ZMAT4: variants seen among roughly 807,000 people sequenced by gnomAD.
ZMAT4 encodes the protein zinc finger matrin-type protein 4.
A neutral mutation model predicts 28.7 loss-of-function variants in ZMAT4; 17 were observed. The observed-to-expected ratio is 0.59, with a 90% confidence interval of 0.41 to 0.89. The LOEUF (loss-of-function observed/expected upper bound fraction) is 0.89. Ranked by LOEUF, ZMAT4 falls within the 40% of genes least tolerant of loss-of-function variation. The pLI is 0.00. For missense variants in ZMAT4, 240 were observed against 283.8 expected (o/e 0.85, Z 1.11); for synonymous variants, 117 against 109.2 (o/e 1.07, Z -0.44).
intron 3 of ZMAT4, among the ~76,000 whole-genome samples, chr8:40,741,502 T>G (rs993407793): frequency 1.3e-5 from 2 of 151,612 alleles, no homozygotes; most frequent in Non-Finnish European, 2.9e-5. Context: ...AGTGATTAAA[T>G]CTGTATTAAT....
At chr8:40,590,181 G>T (rs149745487) in intron 5 of ZMAT4, among the ~76,000 whole-genome samples, 1 of 150,920 alleles carries the variant, frequency 6.6e-6, no homozygotes, top group Non-Finnish European at 1.5e-5. Context: ...GCACTACCAT[G>T]CCTTGCTAAT....
chr8:40,601,468 G>GAAAGAAAGAAAGAAAGAAAGAAA (rs1563359930), intron 5 of ZMAT4, among the ~76,000 whole-genome samples: 1 of 19,994 alleles, frequency 5.0e-5, no homozygotes. Flanking sequence ...GAGGAAGAAA[G>GAAAGAAAGAAAGAAAGAAAGAAA]GAAAGAAAGA....
chr8:40,673,187 GC>G (rs2150471468), intron 5 of ZMAT4, among the ~76,000 whole-genome samples: 1 of 152,272 alleles, frequency 6.6e-6, no homozygotes, highest in African/African-American at 2.4e-5. Context: ...CACATGGAAT[GC>G]CTTCTCACCT....
In ZMAT4 at chr8:40,697,236, T is replaced by C; in HGVS notation, c.349+9A>G. ...AGGGTCTCCCCACGATCACTGTTCC[T>C]GCACGTACCTGTGGTCTTTAATGGG... On this transcript the variant is annotated intron_variant, in intron 4 of 6. Coordinates refer to ENST00000297737, the MANE Select transcript of ZMAT4 (RefSeq NM_024645.3). 6.3e-7 allele frequency: 1 copy of C among 1,598,208 alleles called. No homozygotes were observed. Among genetic ancestry groups the C allele is most frequent in the Non-Finnish European group, 8.5e-7 (1 of 1,171,664 alleles).
intron 1 of ZMAT4, among the ~76,000 whole-genome samples, chr8:40,880,761 C>T (rs898680907): frequency 2.0e-5 from 3 of 152,170 alleles, no homozygotes; most frequent in Non-Finnish European, 4.4e-5. Context: ...ATGCTAATTA[C>T]TCAGGGAGTT....
intron 2 of ZMAT4, among the ~76,000 whole-genome samples, chr8:40,769,195 C>T (rs976567005): frequency 6.6e-6 from 1 of 152,110 alleles, no homozygotes. Flanking sequence ...AATATATTGT[C>T]AACACTTATA....
intron 3 of ZMAT4, among the ~76,000 whole-genome samples, chr8:40,765,453 C>T (rs1813115267): frequency 6.6e-6 from 1 of 152,060 alleles, no homozygotes. Flanking sequence ...GATTTTATTG[C>T]TTTTTCTGTT....
At chr8:40,891,080 T>A (rs1692384166) in intron 1 of ZMAT4, among the ~76,000 whole-genome samples, 1 of 150,258 alleles carries the variant, frequency 6.7e-6, no homozygotes. Flanking sequence ...GTGCTTGTAA[T>A]CCCAGAGCTT....
chr8:40,672,238 C>T (rs1808704605), intron 5 of ZMAT4, among the ~76,000 whole-genome samples: 1 of 152,028 alleles, frequency 6.6e-6, no homozygotes, highest in Admixed American at 6.6e-5. Context: ...ATGGATATGC[C>T]TATATTTATG....
chr8:40,784,280 A>G (rs572496480), intron 2 of ZMAT4, among the ~76,000 whole-genome samples: 1 of 152,340 alleles, frequency 6.6e-6, no homozygotes, highest in African/African-American at 2.4e-5. Flanking sequence ...GAAAAAATCA[A>G]TATTATTCAC....
At chr8:40,699,608 A>ACACACACT (rs1563420124) in intron 3 of ZMAT4, among the ~76,000 whole-genome samples, 2 of 151,996 alleles carry the variant, frequency 1.3e-5, no homozygotes, top group Non-Finnish European at 2.9e-5. Context: ...ACACACACAC[A>ACACACACT]CACACACACA....
At chr8:40,773,045 T>A (rs1311886103) in intron 2 of ZMAT4, among the ~76,000 whole-genome samples, 3 of 152,196 alleles carry the variant, frequency 2.0e-5, no homozygotes, top group Admixed American at 6.5e-5. Context: ...TGCAGCATGG[T>A]CTCACTAGGA....
chr8:40,896,490 A>G (rs1818883879), intron 1 of ZMAT4, among the ~76,000 whole-genome samples: 1 of 152,270 alleles, frequency 6.6e-6, no homozygotes, highest in Non-Finnish European at 1.5e-5. Flanking sequence ...GCACACAAGC[A>G]GAAGCTGCCT....
intron 2 of ZMAT4, among the ~76,000 whole-genome samples, chr8:40,770,549 ATT>A (rs60467361): frequency 8.5e-6 from 1 of 117,742 alleles, no homozygotes. Flanking sequence ...TTTCTCTCTC[ATT>A]TTTTTTTTTT....
intron 2 of ZMAT4, among the ~76,000 whole-genome samples, chr8:40,791,258 G>T (rs889495216): frequency 6.6e-6 from 1 of 152,192 alleles, no homozygotes; most frequent in Non-Finnish European, 1.5e-5. Flanking sequence ...TCCAGAGAGT[G>T]CAGGGGAGCA....
At chr8:40,858,114 A>C (rs78250163) in intron 1 of ZMAT4, among the ~76,000 whole-genome samples, 35,173 of 152,022 alleles carry the variant, frequency 0.23, 4,920 homozygotes, top group East Asian at 0.4. Context: ...CTCTACACTT[A>C]AGATCTATGC....
intron 3 of ZMAT4, among the ~76,000 whole-genome samples, chr8:40,739,016 C>G (rs1280161422): frequency 6.6e-6 from 1 of 152,192 alleles, no homozygotes; most frequent in Admixed American, 6.5e-5. Context: ...TGAGTAAGCA[C>G]ACTGGTTGTC....
intron 3 of ZMAT4, among the ~76,000 whole-genome samples, chr8:40,737,485 A>G (rs1313433115): frequency 1.3e-5 from 2 of 152,172 alleles, no homozygotes; most frequent in Non-Finnish European, 2.9e-5. Context: ...ATCCAAGAGG[A>G]AAAAAATAAA....
At chr8:40,609,155 C>A (rs1431112073) in intron 5 of ZMAT4, among the ~76,000 whole-genome samples, 1 of 152,026 alleles carries the variant, frequency 6.6e-6, no homozygotes, top group Non-Finnish European at 1.5e-5. Context: ...TAGCAAAATT[C>A]TATAAAAAGT....
Sources: gnomAD v4.1 joint callset for allele counts (sites outside exome capture counted in the v4.1 genomes callset) on GRCh38, gnomAD v4.1.1 for gene constraint, MANE v1.5 for transcripts, NCBI Gene and HGNC (gene_info 2026-07-23, HGNC 2026-07-21) for gene names.